GNB4: variants seen among roughly 807,000 people sequenced by gnomAD.
GNB4 encodes the protein guanine nucleotide-binding protein subunit beta-4.
Under a neutral mutation model 45.2 loss-of-function variants are expected in GNB4, and 28 were observed. The observed-to-expected ratio is 0.62, with a 90% confidence interval of 0.46 to 0.85. The LOEUF is 0.85. GNB4 is among the 40% of genes least tolerant of loss of function. GNB4 has a pLI of 0.00. For synonymous variants in GNB4, 132 were observed against 143.7 expected (o/e 0.92, Z 0.58); for missense variants, 321 against 425.4 (o/e 0.75, Z 2.16).
chr3:179,481,084 C>A, the GNB4 span, among the ~76,000 whole-genome samples: 1 of 151,962 alleles, frequency 6.6e-6, no homozygotes, highest in Non-Finnish European at 1.5e-5. Flanking sequence ...ATCTCCTGAC[C>A]TCGTGATCCG....
chr3:179,442,660 C>T (rs777413539), intron 1 of GNB4, among the ~76,000 whole-genome samples: 1 of 151,698 alleles, frequency 6.6e-6, no homozygotes, highest in Non-Finnish European at 1.5e-5. Context: ...CTTGTTCTGT[C>T]GCCCAGGTTA....
At chr3:179,511,315 A>G in the GNB4 span, among the ~76,000 whole-genome samples, 11 of 152,318 alleles carry the variant, frequency 7.2e-5, no homozygotes, top group East Asian at 3.9e-4. Flanking sequence ...TTGTTCATCT[A>G]TTTATATCCA....
intron 1 of GNB4, chr3:179,450,899 T>C (rs993224301): frequency 6.6e-6 from 1 of 152,208 alleles, no homozygotes; most frequent in South Asian, 2.1e-4. Context: ...CGTAGAACTT[T>C]TATGAGTCTT....
the GNB4 span, chr3:179,465,397 A>G: frequency 1.7e-6 from 1 of 577,366 alleles, no homozygotes. Context: ...AGATCAGGAA[A>G]CGGAGACCAT....
chr3:179,499,084 G>A, the GNB4 span, among the ~76,000 whole-genome samples: 1 of 151,578 alleles, frequency 6.6e-6, no homozygotes, highest in Non-Finnish European at 1.5e-5. Flanking sequence ...TCCCTACAAA[G>A]GACATTAACT....
the GNB4 span, among the ~76,000 whole-genome samples, chr3:179,527,724 T>C: frequency 2.0e-5 from 3 of 151,838 alleles, no homozygotes; most frequent in South Asian, 6.2e-4. Context: ...CCTACTTCAT[T>C]TGTGACAAAA....
the GNB4 span, among the ~76,000 whole-genome samples, chr3:179,523,111 AC>A: frequency 6.6e-6 from 1 of 152,164 alleles, no homozygotes; most frequent in African/African-American, 2.4e-5. Context: ...GAAGTACCTA[AC>A]CATGCCTAGG....
chr3:179,519,068 G>T, the GNB4 span, among the ~76,000 whole-genome samples: 2 of 152,148 alleles, frequency 1.3e-5, no homozygotes, highest in Admixed American at 6.5e-5. Context: ...CAGCACACAA[G>T]AACTTCCAAA....
At chr3:179,515,852 A>G in the GNB4 span, among the ~76,000 whole-genome samples, 1 of 152,094 alleles carries the variant, frequency 6.6e-6, no homozygotes, top group Non-Finnish European at 1.5e-5. Context: ...AGAGTGGGAG[A>G]GATTAAGCTG....
chr3:179,520,436 C>T, the GNB4 span, among the ~76,000 whole-genome samples: 5 of 151,926 alleles, frequency 3.3e-5, no homozygotes, highest in African/African-American at 9.7e-5. Flanking sequence ...GAGCTGGGAC[C>T]GTGCCCTATA....
At chr3:179,438,995 G>A (rs1715529807) in intron 1 of GNB4, among the ~76,000 whole-genome samples, 2 of 152,154 alleles carry the variant, frequency 1.3e-5, no homozygotes, top group Non-Finnish European at 2.9e-5. Context: ...TAACCAAACA[G>A]TTTCAATCTG....
chr3:179,413,333 A>G (rs1031628985), intron 8 of GNB4, 79 bp downstream of exon 8: 22 of 1,094,560 alleles, frequency 2.0e-5, no homozygotes, highest in African/African-American at 9.4e-5. Context: ...CTTGAAGGCA[A>G]TTTGTTGTTA....
upstream of GNB4, among the ~76,000 whole-genome samples, chr3:179,454,843 AT>A (rs1559985721): frequency 6.6e-6 from 1 of 151,986 alleles, no homozygotes; most frequent in African/African-American, 2.4e-5. Flanking sequence ...CCACAACAAA[AT>A]AAGTTATAAA....
chr3:179,449,950 A>T (rs916910080), intron 1 of GNB4, among the ~76,000 whole-genome samples: 1 of 152,234 alleles, frequency 6.6e-6, no homozygotes, highest in Non-Finnish European at 1.5e-5. Flanking sequence ...TAAAAGAAAC[A>T]ATTCTACAGG....
chr3:179,413,598 G>A lies in GNB4; in HGVS notation c.513C>T (p.Ile171=), dbSNP rs367709368. 4.5e-5 allele frequency: 72 copies of A among 1,613,940 alleles called. No individual in the cohort carries two copies. Among genetic ancestry groups the A allele is most frequent in the Admixed American group, 1.8e-4 (11 of 59,986 alleles). The change falls in exon 8 of 10, where the codon ATC becomes ATT. Residue 171 remains isoleucine (I), a synonymous_variant. Coordinates refer to ENST00000232564, the MANE Select transcript of GNB4 (RefSeq NM_021629.4). The part of the protein sequence containing the change: ...SGDTTCALWD[I]ETAQQTTTFT... Reference sequence around the variant, plus strand: ...ATGTGGTGGTCTGCTGGGCAGTTTCGATGTCCCATAAAGCACTGTAATTAA... The same window carrying A: ...ATGTGGTGGTCTGCTGGGCAGTTTCAATGTCCCATAAAGCACTGTAATTAA...
At chr3:179,407,559 G>A (rs1210405477) in intron 8 of GNB4, among the ~76,000 whole-genome samples, 1 of 152,226 alleles carries the variant, frequency 6.6e-6, no homozygotes, top group African/African-American at 2.4e-5. Flanking sequence ...TCATGGTGAA[G>A]GGAAGAGAAA....
intron 1 of GNB4, among the ~76,000 whole-genome samples, chr3:179,446,976 AC>A (rs1408803337): frequency 6.6e-6 from 1 of 152,212 alleles, no homozygotes; most frequent in Non-Finnish European, 1.5e-5. Context: ...TCCTATTGCC[AC>A]AGTGCTTTGT....
chr3:179,522,205 C>T, the GNB4 span, among the ~76,000 whole-genome samples: 3 of 152,162 alleles, frequency 2.0e-5, no homozygotes, highest in African/African-American at 7.2e-5. Context: ...ATGGCCTGTT[C>T]CTGCCTTAAC....
At chr3:179,474,060 C>T in the GNB4 span, among the ~76,000 whole-genome samples, 1 of 152,186 alleles carries the variant, frequency 6.6e-6, no homozygotes, top group South Asian at 2.1e-4. Context: ...TGCATTGGCT[C>T]ATGCCTGTAA....
Sources: allele counts gnomAD v4.1 joint callset (sites outside exome capture counted in the v4.1 genomes callset), GRCh38; gene constraint gnomAD v4.1.1; transcripts MANE v1.5; gene names NCBI Gene and HGNC (gene_info 2026-07-23, HGNC 2026-07-21).